The following METTL14 variants were observed in gnomAD, a reference collection of about 807,000 sequenced individuals.
METTL14 encodes the protein N(6)-adenosine-methyltransferase non-catalytic subunit METTL14.
A neutral mutation model predicts 62.4 loss-of-function variants in METTL14; 32 were observed. That is an observed-to-expected ratio of 0.51 (90% CI 0.39 to 0.69). METTL14 has a LOEUF of 0.69. METTL14 is among the 30% of genes least tolerant of loss of function. METTL14 has a pLI of 0.00. For missense variants in METTL14, 340 were observed against 551.9 expected (o/e 0.62, Z 3.85); for synonymous variants, 150 against 180.0 (o/e 0.83, Z 1.34).
In METTL14 at chr4:118,710,269, A is replaced by T. The variant is rs1249875060; in HGVS notation, c.1338A>T (p.Gly446=). 1.9e-6 allele frequency: 3 copies of T among 1,614,024 alleles called. No individual in the cohort carries two copies. The highest frequency in any genetic ancestry group is 2.5e-6 in the Non-Finnish European group (3 of 1,179,980). Residue 446 remains glycine, a synonymous_variant, in exon 11 of 11, where the codon GGA becomes GGT. Transcript: ENST00000388822. Reference sequence around the variant, plus strand: ...GAGGTGGCTTTAGAGGGGGCCGTGGAGGAGCACACAGAGGTGGCTTTCCAC... The same window carrying T: ...GAGGTGGCTTTAGAGGGGGCCGTGGTGGAGCACACAGAGGTGGCTTTCCAC... ...GERGGFRGGR[G]GAHRGGFPPR
chr4:118,705,183 A>G (rs1421047645), intron 9 of METTL14, among the ~76,000 whole-genome samples: 1 of 152,108 alleles, frequency 6.6e-6, no homozygotes, highest in Non-Finnish European at 1.5e-5. Context: ...TTGCCCATAG[A>G]ACTGTATCTC....
At chr4:118,709,435 G>A (rs533832993) in intron 10 of METTL14, among the ~76,000 whole-genome samples, 6 of 152,194 alleles carry the variant, frequency 3.9e-5, no homozygotes, top group African/African-American at 1.2e-4. Flanking sequence ...CAGTATATAT[G>A]TGTGTCTGTT....
rs1233695919 is a variant in METTL14 at position 118,715,164 on chromosome 4, TA to T, written c.*4864del. On this transcript the variant is annotated 3_prime_UTR_variant, in exon 11 of 11. Transcript: ENST00000388822. ...GTTGTCACAAAATACACCTTTTAGATAATCCTTACCTGTACAGATTTTTATA... is the reference window on the plus strand; with the variant it reads ...GTTGTCACAAAATACACCTTTTAGATATCCTTACCTGTACAGATTTTTATA... 6.6e-6 allele frequency: 1 copy of T among 152,252 alleles called. No individual in the cohort carries two copies. 9.4% of individuals were successfully genotyped at this position (152,252 alleles called of 1,614,324 possible).
At chr4:118,688,420 A>G (rs936536200) in intron 2 of METTL14, among the ~76,000 whole-genome samples, 6 of 147,900 alleles carry the variant, frequency 4.1e-5, no homozygotes, top group Non-Finnish European at 6.0e-5. Context: ...GCAGCCTGGG[A>G]GACAGAGTGA....
At chr4:118,696,717 AGAAAACTATAT>A (rs1165429008) in intron 6 of METTL14, among the ~76,000 whole-genome samples, 1 of 152,184 alleles carries the variant, frequency 6.6e-6, no homozygotes, top group Non-Finnish European at 1.5e-5. Flanking sequence ...AACTAATAAA[AGAAAACTATAT>A]GAAAACTATG....
chr4:118,701,268 C>G (rs1160124886), intron 8 of METTL14, among the ~76,000 whole-genome samples: 4 of 150,080 alleles, frequency 2.7e-5, no homozygotes. Flanking sequence ...ACTGTAGCCT[C>G]GACCTCCTGG....
rs999240015 is a variant in METTL14 at position 118,713,179 on chromosome 4, G to C, written c.*2877G>C. 6.6e-6 allele frequency: 1 copy of C among 152,116 alleles called. No homozygotes were observed. Among genetic ancestry groups the C allele is most frequent in the Admixed American group, 6.5e-5 (1 of 15,268 alleles). 9.4% of individuals were successfully genotyped at this position (152,116 alleles called of 1,614,324 possible). A position where few individuals can be genotyped will look rare whatever the true frequency, so the allele number is the denominator to read the frequency against. ...GCAGCAGTTCTGCTCTGTTACTCTG[G>C]TAAGTAGTAGAGCCACTTTATGAGC... On this transcript the variant is annotated 3_prime_UTR_variant, in exon 11 of 11. Coordinates refer to ENST00000388822, the MANE Select transcript of METTL14 (RefSeq NM_020961.4).
intron 5 of METTL14, among the ~76,000 whole-genome samples, chr4:118,694,066 A>AT (rs397816626): frequency 0.63 from 85,635 of 136,606 alleles, 28,084 homozygotes; most frequent in Non-Finnish European, 0.72. Context: ...TAGGATAAGG[A>AT]TTTTTTTTTT....
chr4:118,692,711 GT>G (rs1318454104), intron 5 of METTL14, among the ~76,000 whole-genome samples: 3 of 151,068 alleles, frequency 2.0e-5, no homozygotes, highest in East Asian at 1.9e-4. Flanking sequence ...ACTCAAAAGA[GT>G]TTTTTTTTAA....
rs1276577645 is a variant in METTL14, at chr4:118,711,970, T to A, written c.*1668T>A. On this transcript the variant is annotated 3_prime_UTR_variant, in exon 11 of 11. Transcript: ENST00000388822. ...TTACATGGCATAGGCACCTGTGAGA[T>A]CAGTGTCACAATTTCATCTTAGAAA... 2 of 152,160 alleles carry A rather than the reference T, an allele frequency of 1.3e-5. No individual in the cohort carries two copies. Among genetic ancestry groups the A allele is most frequent in the Non-Finnish European group, 2.9e-5 (2 of 68,028 alleles). The allele number at this position is 152,160 out of a possible 1,614,324, so 9.4% of individuals were successfully genotyped here. A position where few individuals can be genotyped will look rare whatever the true frequency, so the allele number is the denominator to read the frequency against.
chr4:118,705,843 A>G (rs1172536687), intron 10 of METTL14, 22 bp downstream of exon 10: 11 of 1,562,738 alleles, frequency 7.0e-6, no homozygotes, highest in Admixed American at 1.7e-5. Context: ...GTTAACAACA[A>G]CTTTTATGAT....
At chr4:118,701,829 A>T (rs912875497) in intron 8 of METTL14, among the ~76,000 whole-genome samples, 2 of 152,202 alleles carry the variant, frequency 1.3e-5, no homozygotes, top group African/African-American at 2.4e-5. Context: ...ATTGTGCCCA[A>T]ATTCTGAAAT....
chr4:118,693,541 C>G lies in METTL14; in HGVS notation c.413-895C>G, dbSNP rs568947227. Among the ~76,000 whole-genome samples, 31 of 152,132 alleles carry G rather than the reference C, an allele frequency of 2.0e-4. No individual in the cohort carries two copies. The South Asian group carries it at 4.6e-3, about 22-fold the overall frequency. ...TTGATATAATCAAATTTAGTTTTTCCTTTGTTACTTGTAAGCAACATTTCT... is the reference window on the plus strand; with the variant it reads ...TTGATATAATCAAATTTAGTTTTTCGTTTGTTACTTGTAAGCAACATTTCT... On this transcript the variant is annotated intron_variant, in intron 5 of 10. Transcript: ENST00000388822.
chr4:118,686,258 G>A (rs1560875055), intron 1 of METTL14, among the ~76,000 whole-genome samples: 1 of 152,186 alleles, frequency 6.6e-6, no homozygotes, highest in Non-Finnish European at 1.5e-5. Context: ...ATAGAACCTA[G>A]GTTTGTCTCC....
chr4:118,713,287 G>C lies in METTL14; in HGVS notation c.*2985G>C, dbSNP rs1724977812. The C allele has an allele frequency of 1.3e-5, 2 of 152,166 alleles. No homozygotes were observed. Among genetic ancestry groups the C allele is most frequent in the Non-Finnish European group, 2.9e-5 (2 of 68,028 alleles). 9.4% of individuals were successfully genotyped at this position (152,166 alleles called of 1,614,324 possible). Reference sequence around the variant, plus strand: ...TTAAGTTAATGGAGTATAAAGATGGGATACTTGGGAGCTATATTGTGCATC... The same window carrying C: ...TTAAGTTAATGGAGTATAAAGATGGCATACTTGGGAGCTATATTGTGCATC... On this transcript the variant is annotated 3_prime_UTR_variant, in exon 11 of 11. Transcript: ENST00000388822.
At chr4:118,692,466 C>T (rs1724280455) in intron 5 of METTL14, among the ~76,000 whole-genome samples, 1 of 151,892 alleles carries the variant, frequency 6.6e-6, no homozygotes, top group African/African-American at 2.4e-5. Flanking sequence ...CGAGGTTTCA[C>T]CATGTTGGCC....
At position 118,710,234 on chromosome 4, in the gene METTL14, C is replaced by T. The variant is rs781259552; in HGVS notation, c.1303C>T (p.Arg435Ter). ...ACGAGAAAGAAATAGATCTAACTTC[C>T]GAGGAGAAAGAGGTGGCTTTAGAGG... Reference protein sequence around the residue: ...RGRERNRSNFRGERGGFRGGR... With the variant: ...RGRERNRSNF The change falls in exon 11 of 11, where the codon CGA (arginine) becomes TGA (stop). Residue 435 changes from arginine to a stop codon, truncating the protein, a stop_gained. Coordinates refer to ENST00000388822, the MANE Select transcript of METTL14 (RefSeq NM_020961.4). LOFTEE classifies it high-confidence loss of function. 1.2e-6 allele frequency: 2 copies of T among 1,614,020 alleles called. No individual in the cohort carries two copies. The highest frequency in any genetic ancestry group is 1.3e-5 in the African/African-American group (1 of 74,914).
At chr4:118,701,601 A>G (rs1579073514) in intron 8 of METTL14, among the ~76,000 whole-genome samples, 1 of 152,210 alleles carries the variant, frequency 6.6e-6, no homozygotes. Flanking sequence ...TTCAGCTGCT[A>G]TGCTGTAACA....
At chr4:118,685,677 CT>C (rs1724030202) in intron 1 of METTL14, 77 bp downstream of exon 1, 24 of 1,252,370 alleles carry the variant, frequency 1.9e-5, no homozygotes, top group Non-Finnish European at 2.7e-5. Flanking sequence ...CACACCCCGC[CT>C]TTTTCTGTCC....
Sources: gnomAD v4.1 joint callset for allele counts (sites outside exome capture counted in the v4.1 genomes callset) on GRCh38, gnomAD v4.1.1 for gene constraint, MANE v1.5 for transcripts, NCBI Gene and HGNC (gene_info 2026-07-23, HGNC 2026-07-21) for gene names.